The following ETS1 variants were observed in gnomAD, a reference collection of about 807,000 sequenced individuals.
The protein encoded by ETS1 is ETS proto-oncogene 1, transcription factor.
A neutral mutation model predicts 58.6 loss-of-function variants in ETS1; 15 were observed. The ratio of observed to expected loss-of-function variants is 0.26; its 90% CI spans 0.17 to 0.39. ETS1 has a LOEUF of 0.39. ETS1 is among the 10% of genes least tolerant of loss of function. ETS1 has a pLI of 1.00. For missense variants in ETS1, 417 were observed against 610.5 expected (o/e 0.68, Z 3.34); for synonymous variants, 214 against 218.2 (o/e 0.98, Z 0.17).
At chr11:128,491,545 C>T (rs548797470) in intron 3 of ETS1, among the ~76,000 whole-genome samples, 1 of 152,320 alleles carries the variant, frequency 6.6e-6, no homozygotes, top group East Asian at 1.9e-4. Context: ...TACTCCAGAT[C>T]AGTGGTTCTC....
chr11:128,579,004 A>G (rs1394163219), intron 1 of ETS1, among the ~76,000 whole-genome samples: 1 of 152,246 alleles, frequency 6.6e-6, no homozygotes, highest in African/African-American at 2.4e-5. Context: ...ATATTTGAAT[A>G]CATATTGACT....
rs547294658 is a variant in ETS1 at position 128,561,914 on chromosome 11, A to C, written c.70-5479T>G. ...TAGAGCACAACTCAAGGAAAATGGCAGTCAGGACAATAAGGGAAAGAATTG... is the reference window on the plus strand; with the variant it reads ...TAGAGCACAACTCAAGGAAAATGGCCGTCAGGACAATAAGGGAAAGAATTG... On this transcript the variant is annotated intron_variant, in intron 2 of 9. Coordinates refer to ENST00000392668, the MANE Select transcript of ETS1 (RefSeq NM_001143820.2). Among the ~76,000 whole-genome samples, 3 of 152,376 alleles carry C rather than the reference A, an allele frequency of 2.0e-5. No homozygotes were observed. The East Asian group carries it at 5.8e-4, about 29-fold the overall frequency.
rs527277066 is a variant in ETS1, at chr11:128,498,382, A to G, written c.215-7806T>C. Among the ~76,000 whole-genome samples, 316 of 152,354 alleles carry G rather than the reference A, an allele frequency of 2.1e-3. 4 individuals carry two copies. The highest frequency in any genetic ancestry group is 0.018 in the Admixed American group (282 of 15,308). On this transcript the variant is annotated intron_variant, in intron 3 of 9. Coordinates refer to ENST00000392668, the MANE Select transcript of ETS1 (RefSeq NM_001143820.2). ...GCAAAAATCAGATTCTGAGATATAA[A>G]TGGAAATTGACATCCCCTGAAACTG...
At position 128,522,208 on chromosome 11, in the gene ETS1, G is replaced by A. The variant is rs553224945; in HGVS notation, c.215-31632C>T. The A allele has an allele frequency of 9.7e-6, 12 of 1,236,640 alleles. No individual in the cohort carries two copies. In the African/African-American group the frequency reaches 1.9e-4, roughly 19 times the overall value. The allele number at this position is 1,236,640 out of a possible 1,614,324, so 76.6% of individuals were successfully genotyped here. On this transcript the variant is annotated intron_variant, in intron 3 of 9. Transcript: ENST00000392668. ...GTTGGCACTTTGCGGCGAAGTGAGCGCGCTCGGGTCCCAGCCTCGCCCGCG... is the reference window on the plus strand; with the variant it reads ...GTTGGCACTTTGCGGCGAAGTGAGCACGCTCGGGTCCCAGCCTCGCCCGCG...
At chr11:128,572,919 C>T in intron 2 of ETS1, 143 bp downstream of exon 2, 1 of 601,460 alleles carries the variant, frequency 1.7e-6, no homozygotes, top group Non-Finnish European at 3.0e-6. Flanking sequence ...CAATTGACAT[C>T]CTCCAAAAGA....
At chr11:128,569,315 C>CTTTTTTTTTTTTTTT (rs1864572866) in intron 2 of ETS1, among the ~76,000 whole-genome samples, 22 of 35,128 alleles carry the variant, frequency 6.3e-4, no homozygotes, top group Non-Finnish European at 9.7e-4. Flanking sequence ...GACAGAGTTT[C>CTTTTTTTTTTTTTTT]TTCTTTTTTT....
chr11:128,483,350 G>A (rs1441241895), intron 7 of ETS1, among the ~76,000 whole-genome samples: 1 of 152,154 alleles, frequency 6.6e-6, no homozygotes, highest in Non-Finnish European at 1.5e-5. Flanking sequence ...TGTGACAGGA[G>A]ATCGACCCAA....
chr11:128,569,108 G>T (rs571007723), intron 2 of ETS1, among the ~76,000 whole-genome samples: 1 of 152,224 alleles, frequency 6.6e-6, no homozygotes, highest in Non-Finnish European at 1.5e-5. Context: ...TTTGTCATAG[G>T]AGGCTGTCTG....
At chr11:128,581,373 C>T (rs1864866761) in intron 1 of ETS1, among the ~76,000 whole-genome samples, 1 of 152,174 alleles carries the variant, frequency 6.6e-6, no homozygotes, top group African/African-American at 2.4e-5. Flanking sequence ...ATATTCAATA[C>T]ACTGCCTTAC....
At chr11:128,567,492 T>C (rs1474216959) in intron 2 of ETS1, among the ~76,000 whole-genome samples, 1 of 152,160 alleles carries the variant, frequency 6.6e-6, no homozygotes, top group African/African-American at 2.4e-5. Flanking sequence ...CAAAAAACAG[T>C]CTTTTGTTGG....
At chr11:128,517,249 C>T (rs1863550882) in intron 3 of ETS1, among the ~76,000 whole-genome samples, 1 of 152,186 alleles carries the variant, frequency 6.6e-6, no homozygotes. Context: ...TCCTGAACCC[C>T]CAAAGCACCG....
chr11:128,486,902 T>C lies in ETS1; in HGVS notation c.536-756A>G, dbSNP rs933777023. Among the ~76,000 whole-genome samples, 15 of 152,192 alleles carry C rather than the reference T, an allele frequency of 9.9e-5. No individual in the cohort carries two copies. The East Asian group carries it at 2.7e-3, about 27-fold the overall frequency. On this transcript the variant is annotated intron_variant, in intron 5 of 9. Transcript: ENST00000392668. ...AAATGCCATGGCTCCGATTCTTGTA[T>C]GGAGTAGTCTGATTATATTTCACCA...
rs200091795 is a variant in ETS1 at position 128,538,187 on chromosome 11, CTGAT to C, written c.214+18100_214+18103del. ...CTCGCATTAAATGAGATTTAAACAACTGATTAATAAAAGTATGATGAAATTATCC... is the reference window on the plus strand; with the variant it reads ...CTCGCATTAAATGAGATTTAAACAACTAATAAAAGTATGATGAAATTATCC... On this transcript the variant is annotated intron_variant, in intron 3 of 9. Transcript: ENST00000392668. Among the ~76,000 whole-genome samples, 1,225 of 152,186 alleles carry C rather than the reference CTGAT, an allele frequency of 8.0e-3. 11 individuals are homozygous for C. Among genetic ancestry groups the C allele is most frequent in the African/African-American group, 0.028 (1,164 of 41,528 alleles).
chr11:128,497,999 A>G (rs941718879), intron 3 of ETS1, among the ~76,000 whole-genome samples: 1 of 152,034 alleles, frequency 6.6e-6, no homozygotes, highest in South Asian at 2.1e-4. Flanking sequence ...GAAATACATG[A>G]ATGAATGTGT....
chr11:128,578,676 TCA>T (rs142071785), intron 1 of ETS1, among the ~76,000 whole-genome samples: 5 of 151,898 alleles, frequency 3.3e-5, no homozygotes, highest in African/African-American at 7.2e-5. Flanking sequence ...AACATAGATG[TCA>T]CACACACACA....
intron 3 of ETS1, chr11:128,521,951 T>G (rs757506231): frequency 1.1e-5 from 18 of 1,607,748 alleles, no homozygotes; most frequent in Non-Finnish European, 1.5e-5. Context: ...TTTTTCCGTC[T>G]TGATGATGGT....
At chr11:128,488,058 T>A (rs1321623997) in intron 5 of ETS1, among the ~76,000 whole-genome samples, 1 of 152,188 alleles carries the variant, frequency 6.6e-6, no homozygotes. Context: ...TAGAATATAC[T>A]GGGTTACACA....
intron 3 of ETS1, among the ~76,000 whole-genome samples, chr11:128,510,412 G>A (rs1863361052): frequency 6.6e-6 from 1 of 152,154 alleles, no homozygotes; most frequent in South Asian, 2.1e-4. Context: ...TCTCACATCA[G>A]GCAACAGAAG....
chr11:128,585,452 C>T (rs891580749), intron 1 of ETS1, among the ~76,000 whole-genome samples: 1 of 152,110 alleles, frequency 6.6e-6, no homozygotes, highest in Non-Finnish European at 1.5e-5. Flanking sequence ...AAATGATAGT[C>T]ACTATGGAAA....
Sources: allele counts gnomAD v4.1 joint callset (sites outside exome capture counted in the v4.1 genomes callset), GRCh38; gene constraint gnomAD v4.1.1; transcripts MANE v1.5; gene names NCBI Gene and HGNC (gene_info 2026-07-23, HGNC 2026-07-21).